The following TMEM120B variants were observed in gnomAD, a reference collection of about 807,000 sequenced individuals.
TMEM120B encodes transmembrane protein 120B.
A neutral mutation model predicts 55.5 loss-of-function variants in TMEM120B; 31 were observed. That is an observed-to-expected ratio of 0.56 (90% CI 0.42 to 0.75). The LOEUF (loss-of-function observed/expected upper bound fraction) is 0.75, where lower values mean the gene tolerates loss of function less well. Among genes scored for constraint, TMEM120B ranks in the 30% least tolerant of loss-of-function variants. The pLI is 0.00. For missense variants in TMEM120B, 399 were observed against 425.5 expected (o/e 0.94, Z 0.55); for synonymous variants, 203 against 176.3 (o/e 1.15, Z -1.20).
chr12:121,751,615 G>T (rs1760236124), intron 4 of TMEM120B, among the ~76,000 whole-genome samples: 1 of 151,660 alleles, frequency 6.6e-6, no homozygotes, highest in African/African-American at 2.4e-5. Flanking sequence ...CCTGGGAGAG[G>T]GTTGGTTCCT....
intron 6 of TMEM120B, among the ~76,000 whole-genome samples, chr12:121,766,158 A>C (rs1010730998): frequency 1.2e-4 from 19 of 152,026 alleles, no homozygotes; most frequent in African/African-American, 4.3e-4. Flanking sequence ...TTCTGGCTGC[A>C]CCTGAGATTT....
chr12:121,721,804 C>CTT lies in TMEM120B; in HGVS notation c.69+8861_69+8862dup, dbSNP rs56702857. Reference sequence around the variant, plus strand: ...TTTTTTTTGAATGGAATCAGTTCTACTTTTTTTTTTTTTTTTTTTTTTGAG... The same window carrying CTT: ...TTTTTTTTGAATGGAATCAGTTCTACTTTTTTTTTTTTTTTTTTTTTTTTGAG... On this transcript the variant is annotated intron_variant, in intron 1 of 11. Transcript: ENST00000449592. Among the ~76,000 whole-genome samples the CTT allele has an allele frequency of 1.6e-3, 146 of 91,836 alleles. 2 individuals carry two copies. The highest frequency in any genetic ancestry group is 2.5e-3 in the African/African-American group (53 of 21,108). The allele number at this position is 91,836 out of a possible 152,430, so 60.2% of individuals were successfully genotyped here. A position where few individuals can be genotyped will look rare whatever the true frequency, so the allele number is the denominator to read the frequency against.
At chr12:121,762,520 C>T (rs188786665) in intron 6 of TMEM120B, among the ~76,000 whole-genome samples, 18 of 152,292 alleles carry the variant, frequency 1.2e-4, no homozygotes, top group Admixed American at 7.8e-4. Context: ...GTACCTATCC[C>T]TGAACCAGTC....
intron 2 of TMEM120B, among the ~76,000 whole-genome samples, chr12:121,744,273 C>T (rs773885293): frequency 2.0e-5 from 3 of 152,178 alleles, no homozygotes; most frequent in Non-Finnish European, 4.4e-5. Context: ...GTTCAGTCCT[C>T]ATTGGCTGGG....
chr12:121,768,530 G>A (rs1462457311), intron 6 of TMEM120B, among the ~76,000 whole-genome samples: 1 of 152,198 alleles, frequency 6.6e-6, no homozygotes, highest in African/African-American at 2.4e-5. Context: ...GAGAAAGCAC[G>A]TGGGCGTGTG....
intron 5 of TMEM120B, among the ~76,000 whole-genome samples, chr12:121,755,623 AC>A (rs993790692): frequency 6.6e-6 from 1 of 151,746 alleles, no homozygotes; most frequent in African/African-American, 2.4e-5. Flanking sequence ...CCCAGAAGAG[AC>A]CCCCAAGACA....
chr12:121,762,239 C>CTCCA (rs1873702469), intron 6 of TMEM120B, among the ~76,000 whole-genome samples: 1 of 150,986 alleles, frequency 6.6e-6, no homozygotes, highest in African/African-American at 2.4e-5. Context: ...CACCATTGCA[C>CTCCA]TCCAGCCCAG....
chr12:121,732,414 C>T (rs1043071028), intron 1 of TMEM120B, among the ~76,000 whole-genome samples: 2 of 152,070 alleles, frequency 1.3e-5, no homozygotes, highest in Non-Finnish European at 2.9e-5. Flanking sequence ...CTCCCCTTTA[C>T]CCCTGAAATG....
At chr12:121,774,551 C>T in intron 9 of TMEM120B, 107 bp from the exon 10 acceptor site, 1 of 1,101,174 alleles carries the variant, frequency 9.1e-7, no homozygotes, top group Non-Finnish European at 1.3e-6. Flanking sequence ...TGTGACTGTC[C>T]CTGGCTCATC....
intron 5 of TMEM120B, among the ~76,000 whole-genome samples, chr12:121,754,366 G>T (rs1873419350): frequency 6.6e-6 from 1 of 152,224 alleles, no homozygotes; most frequent in Non-Finnish European, 1.5e-5. Context: ...CCGAGGGCCT[G>T]GGCGTCTCTT....
chr12:121,767,582 C>G (rs950578899), intron 6 of TMEM120B, among the ~76,000 whole-genome samples: 4 of 152,210 alleles, frequency 2.6e-5, no homozygotes, highest in African/African-American at 9.6e-5. Flanking sequence ...TTGCACAACT[C>G]TGTGAATATA....
chr12:121,715,667 G>A (rs527844805), intron 1 of TMEM120B, among the ~76,000 whole-genome samples: 1 of 152,166 alleles, frequency 6.6e-6, no homozygotes, highest in Admixed American at 6.6e-5. Context: ...GGCTTTGGTG[G>A]TCACCTGCTG....
intron 3 of TMEM120B, 107 bp downstream of exon 3, chr12:121,748,549 AAG>A (rs1475238465): frequency 1.3e-6 from 1 of 752,812 alleles, no homozygotes; most frequent in East Asian, 2.8e-5. Flanking sequence ...TTGAAGGGGA[AAG>A]AGGGAAACAA....
rs1873168726 is a variant in TMEM120B, at chr12:121,748,385, T to C, written c.248T>C (p.Ile83Thr). 1 of 1,610,868 alleles carries C rather than the reference T, an allele frequency of 6.2e-7. No individual in the cohort carries two copies. Among genetic ancestry groups the C allele is most frequent in the African/African-American group, 1.3e-5 (1 of 74,744 alleles). ...CTCGTTCAGCAGATGGCAGCGAACA[T>C]CAAGGAGCGGCAGGACGTCTTCTTC... Reference protein sequence around the residue: ...AELVQQMAANIKERQDVFFDM... With the variant: ...AELVQQMAANTKERQDVFFDM... The change falls in exon 3 of 12, where the codon ATC becomes ACC. Residue 83 changes from isoleucine (I) to threonine (T), a missense_variant. Transcript: ENST00000449592.
intron 5 of TMEM120B, among the ~76,000 whole-genome samples, chr12:121,753,401 T>C (rs1214876923): frequency 3.9e-5 from 6 of 151,974 alleles, no homozygotes; most frequent in African/African-American, 1.5e-4. Flanking sequence ...TCAAACCCTG[T>C]CTCTACTGAA....
rs746152646 is a variant in TMEM120B at position 121,779,541 on chromosome 12, T to C, written c.*3819T>C. The C allele has an allele frequency of 1.9e-6, 3 of 1,613,098 alleles. No individual in the cohort carries two copies. The highest frequency in any genetic ancestry group is 1.7e-5 in the Admixed American group (1 of 60,004). On this transcript the variant is annotated 3_prime_UTR_variant, in exon 12 of 12. Transcript: ENST00000449592. ...CCGGCGCTTCTTCTGCCGTTGCGCC[T>C]TCTTCAGAGCGCTGAGAGCCACCTT...
At chr12:121,750,526 C>G in intron 4 of TMEM120B, 87 bp downstream of exon 4, 2 of 1,033,652 alleles carry the variant, frequency 1.9e-6, no homozygotes, top group South Asian at 2.7e-5. Flanking sequence ...ACTGAGAACC[C>G]ACACCCCACA....
intron 5 of TMEM120B, among the ~76,000 whole-genome samples, chr12:121,757,224 T>C (rs950297885): frequency 2.4e-4 from 37 of 151,800 alleles, no homozygotes; most frequent in Non-Finnish European, 1.3e-4. Context: ...TACAGTGGTG[T>C]GATCTCAGCT....
In TMEM120B at chr12:121,774,535, C is replaced by T. The variant is rs1288673658; in HGVS notation, c.773-123C>T. The T allele has an allele frequency of 3.0e-5, 26 of 881,234 alleles. No individual in the cohort carries two copies. The East Asian group carries it at 3.8e-4, about 13-fold the overall frequency. 54.6% of individuals were successfully genotyped at this position (881,234 alleles called of 1,614,324 possible). On this transcript the variant is annotated intron_variant, in intron 9 of 11. Transcript: ENST00000449592. ...CTATGACAGGTGAGGGCTGACCCCC[C>T]GCATGTGTGACTGTCCCTGGCTCAT...
Sources: allele counts gnomAD v4.1 joint callset (sites outside exome capture counted in the v4.1 genomes callset), GRCh38; gene constraint gnomAD v4.1.1; transcripts MANE v1.5; gene names NCBI Gene and HGNC (gene_info 2026-07-23, HGNC 2026-07-21).